The following FTCDNL1 variants were observed in gnomAD, a reference collection of about 807,000 sequenced individuals.
The protein encoded by FTCDNL1 is formiminotransferase cyclodeaminase N-terminal like.
A neutral mutation model predicts 5.9 loss-of-function variants in FTCDNL1; 11 were observed. The observed-to-expected ratio is 1.87, with a 90% CI of 1.18 to 3.10. The LOEUF is 3.10. Ranked by LOEUF, FTCDNL1 falls within the 30% of genes most tolerant of loss-of-function variation. The probability of loss-of-function intolerance (pLI) is 0.00; values close to 1 mark genes in which losing one functional copy is unlikely to be tolerated. For synonymous variants in FTCDNL1, 58 were observed against 24.8 expected (o/e 2.34, Z -3.99); for missense variants, 115 against 65.5 (o/e 1.76, Z -2.61).
intron 3 of FTCDNL1, among the ~76,000 whole-genome samples, chr2:199,770,251 T>G (rs1344137741): frequency 1.3e-5 from 2 of 152,180 alleles, no homozygotes; most frequent in Non-Finnish European, 2.9e-5. Context: ...GAGGTGTGAG[T>G]GCACATTTAT....
chr2:199,721,886 GCTT>G, the FTCDNL1 span, among the ~76,000 whole-genome samples: 1 of 152,144 alleles, frequency 6.6e-6, no homozygotes, highest in Non-Finnish European at 1.5e-5. Context: ...GTGATATTGA[GCTT>G]TTTTATATAT....
At chr2:199,805,514 G>A (rs192346145), downstream of FTCDNL1, among the ~76,000 whole-genome samples, 18 of 152,190 alleles carry the variant, frequency 1.2e-4, no homozygotes, top group African/African-American at 4.1e-4. Context: ...CGGGGCAGGC[G>A]GATCACTTGA....
chr2:199,665,462 T>C, the FTCDNL1 span, among the ~76,000 whole-genome samples: 1 of 151,612 alleles, frequency 6.6e-6, no homozygotes, highest in South Asian at 2.1e-4. Context: ...TGAAACCCCG[T>C]CTCTACTAAA....
the FTCDNL1 span, among the ~76,000 whole-genome samples, chr2:199,693,294 T>C: frequency 6.6e-6 from 1 of 152,246 alleles, no homozygotes; most frequent in African/African-American, 2.4e-5. Context: ...ATATGCATAT[T>C]AATACTTGCC....
intron 3 of FTCDNL1, among the ~76,000 whole-genome samples, chr2:199,832,414 T>C (rs1051481954): frequency 1.3e-5 from 2 of 152,190 alleles, no homozygotes; most frequent in African/African-American, 4.8e-5. Context: ...AATGGAAACA[T>C]AACAGGCACT....
the FTCDNL1 span, among the ~76,000 whole-genome samples, chr2:199,685,574 A>G: frequency 6.6e-6 from 1 of 152,148 alleles, no homozygotes; most frequent in Non-Finnish European, 1.5e-5. Context: ...TGTAACTGCA[A>G]TGTGTTTTTA....
intron 3 of FTCDNL1, among the ~76,000 whole-genome samples, chr2:199,768,070 T>C (rs1308954011): frequency 6.6e-6 from 1 of 152,188 alleles, no homozygotes; most frequent in Non-Finnish European, 1.5e-5. Context: ...TAGAGTACAA[T>C]ACAGACAGTG....
intron 3 of FTCDNL1, among the ~76,000 whole-genome samples, chr2:199,777,230 T>C (rs531759087): frequency 6.6e-6 from 1 of 151,936 alleles, no homozygotes; most frequent in Non-Finnish European, 1.5e-5. Flanking sequence ...GAGGCGGAGA[T>C]TGTAGCAAGC....
chr2:199,678,597 A>G, the FTCDNL1 span, among the ~76,000 whole-genome samples: 34 of 152,130 alleles, frequency 2.2e-4, no homozygotes, highest in African/African-American at 4.8e-4. Context: ...TGGGTTGTAA[A>G]AAATATTTAT....
intron 3 of FTCDNL1, among the ~76,000 whole-genome samples, chr2:199,790,930 G>A (rs1164096357): frequency 1.3e-5 from 2 of 151,996 alleles, no homozygotes; most frequent in Non-Finnish European, 2.9e-5. Context: ...CTTTAACGCT[G>A]CAATCTCAAC....
the FTCDNL1 span, among the ~76,000 whole-genome samples, chr2:199,753,279 A>G: frequency 6.6e-6 from 1 of 152,306 alleles, no homozygotes; most frequent in African/African-American, 2.4e-5. Context: ...GGAGTTTCCC[A>G]AGCTGCAGGA....
the FTCDNL1 span, among the ~76,000 whole-genome samples, chr2:199,682,127 T>C: frequency 1.3e-5 from 2 of 152,196 alleles, no homozygotes; most frequent in African/African-American, 4.8e-5. Flanking sequence ...TGAGGTTATT[T>C]TTAGATGAGA....
chr2:199,827,718 A>G (rs1199160643), intron 3 of FTCDNL1, among the ~76,000 whole-genome samples: 1 of 152,194 alleles, frequency 6.6e-6, no homozygotes, highest in East Asian at 1.9e-4. Context: ...TAGAGATTGC[A>G]TAAATTAAGA....
At chr2:199,790,221 G>A (rs1457330542) in intron 3 of FTCDNL1, among the ~76,000 whole-genome samples, 2 of 152,092 alleles carry the variant, frequency 1.3e-5, no homozygotes, top group Non-Finnish European at 2.9e-5. Context: ...AATGCGGCTG[G>A]GCGCGGTGAC....
chr2:199,851,120 C>T lies in FTCDNL1; in HGVS notation c.-388G>A, dbSNP rs1322141316. 7.2e-6 allele frequency: 1 copy of T among 138,042 alleles called. No individual in the cohort carries two copies. Among genetic ancestry groups the T allele is most frequent in the African/African-American group, 3.0e-5 (1 of 32,912 alleles). 8.6% of individuals were successfully genotyped at this position (138,042 alleles called of 1,614,324 possible). A position where few individuals can be genotyped will look rare whatever the true frequency, so the allele number is the denominator to read the frequency against. ...GGCAGGGCGACCGCCCAGCCCAAGTCGCCGCCGCGCGTGGCCCGCGCGCAG... is the reference window on the plus strand; with the variant it reads ...GGCAGGGCGACCGCCCAGCCCAAGTTGCCGCCGCGCGTGGCCCGCGCGCAG... On this transcript the variant is annotated 5_prime_UTR_variant, in exon 1 of 5. Coordinates refer to ENST00000420128, the MANE Select transcript of FTCDNL1 (RefSeq NM_001363886.2).
At chr2:199,675,854 G>T in the FTCDNL1 span, among the ~76,000 whole-genome samples, 20 of 152,260 alleles carry the variant, frequency 1.3e-4, no homozygotes, top group African/African-American at 3.9e-4. Context: ...GGGCTTGAGG[G>T]ATCCTCCCAC....
chr2:199,770,112 C>G (rs566358900), intron 3 of FTCDNL1, among the ~76,000 whole-genome samples: 37 of 152,182 alleles, frequency 2.4e-4, no homozygotes, highest in Non-Finnish European at 4.6e-4. Context: ...CTCAGCACCA[C>G]CAGTACAGTT....
rs900215316 is a variant in FTCDNL1 at position 199,849,277 on chromosome 2, T to C, written c.-7-308A>G. On this transcript the variant is annotated intron_variant, in intron 1 of 4. Coordinates refer to ENST00000420128, the MANE Select transcript of FTCDNL1 (RefSeq NM_001363886.2). The stretch of plus-strand genomic sequence containing the variant: ...GTATGTTATCCCATTTTAAGCATAG[T>C]TTTCCTTAGCCTTATCCCTGTTTTC... 5.9e-5 allele frequency among the ~76,000 whole-genome samples: 9 copies of C among 152,354 alleles called. No individual in the cohort carries two copies. In the East Asian group the frequency reaches 1.7e-3, roughly 29 times the overall value.
the FTCDNL1 span, among the ~76,000 whole-genome samples, chr2:199,747,370 G>A: frequency 2.0e-5 from 3 of 152,104 alleles, no homozygotes; most frequent in Non-Finnish European, 2.9e-5. Context: ...ACATTTTTGC[G>A]GCCTGGAGTA....
Sources: gnomAD v4.1 joint callset for allele counts (sites outside exome capture counted in the v4.1 genomes callset) on GRCh38, gnomAD v4.1.1 for gene constraint, MANE v1.5 for transcripts, NCBI Gene and HGNC (gene_info 2026-07-23, HGNC 2026-07-21) for gene names.